LRIG3: variants seen among roughly 807,000 people sequenced by gnomAD.
LRIG3 encodes leucine rich repeats and immunoglobulin like domains 3, also known as leucine-rich repeats and immunoglobulin-like domains protein 3.
A neutral mutation model predicts 114.5 loss-of-function variants in LRIG3; 76 were observed. That is an observed-to-expected ratio of 0.66 (90% CI 0.55 to 0.80). The LOEUF (loss-of-function observed/expected upper bound fraction) is 0.80. LRIG3 is among the 30% of genes least tolerant of loss of function. The probability of loss-of-function intolerance (pLI) is 0.00; values close to 1 mark genes in which losing one functional copy is unlikely to be tolerated. For missense variants in LRIG3, 1,239 were observed against 1,382.8 expected (o/e 0.90, Z 1.65); for synonymous variants, 512 against 519.8 (o/e 0.98, Z 0.20).
At position 58,873,045 on chromosome 12, in the gene LRIG3, C is replaced by T. The variant is rs528635764; in HGVS notation, c.3116-229G>A. Among the ~76,000 whole-genome samples, 9 of 152,276 alleles carry T rather than the reference C, an allele frequency of 5.9e-5. 1 individual carries two copies. Among genetic ancestry groups the T allele is most frequent in the African/African-American group, 2.2e-4 (9 of 41,562 alleles). On this transcript the variant is annotated intron_variant, in intron 18 of 18. Transcript: ENST00000320743. ...CATATTTACATCCACTGAACAAATG[C>T]ATCTATTCTTTATCATTTCTCATGA...
At chr12:58,874,643 C>A (rs1355001175) in intron 16 of LRIG3, 70 bp from the exon 17 acceptor site, 36 of 1,579,412 alleles carry the variant, frequency 2.3e-5, no homozygotes, top group Middle Eastern at 1.7e-4. Flanking sequence ...CCAGTTTTGG[C>A]ATCTTCCATA....
chr12:58,877,760 G>T lies in LRIG3; in HGVS notation c.2176C>A (p.Pro726Thr), dbSNP rs1453343084. 8 of 1,614,160 alleles carry T rather than the reference G, an allele frequency of 5.0e-6. No individual in the cohort carries two copies. Among genetic ancestry groups the T allele is most frequent in the Non-Finnish European group, 6.8e-6 (8 of 1,180,028 alleles). ...TCATCTTTGGTCCAGTTCAGTTTAGGGGGAGGGCTTCCTCCAGCAATGCAC... is the reference window on the plus strand; with the variant it reads ...TCATCTTTGGTCCAGTTCAGTTTAGTGGGAGGGCTTCCTCCAGCAATGCAC... Reference protein sequence around the residue: ...LQCIAGGSPPPKLNWTKDDSP... With the variant: ...LQCIAGGSPPTKLNWTKDDSP... Residue 726 changes from proline (P) to threonine (T), a missense_variant, in exon 15 of 19, where the codon CCT (proline) becomes ACT (threonine). Transcript: ENST00000320743.
intron 12 of LRIG3, 148 bp downstream of exon 12, chr12:58,882,721 C>G (rs1871159923): frequency 1.3e-6 from 1 of 747,826 alleles, no homozygotes; most frequent in East Asian, 3.1e-5. Context: ...TTAAAATAAT[C>G]AGCAAACTAT....
intron 3 of LRIG3, among the ~76,000 whole-genome samples, chr12:58,898,671 T>G (rs1426521532): frequency 6.6e-6 from 1 of 152,206 alleles, no homozygotes; most frequent in East Asian, 1.9e-4. Context: ...CTTGTTTTTT[T>G]TTTCTTGAGA....
At chr12:58,883,681 T>C (rs1248813253) in intron 10 of LRIG3, 90 bp from the exon 11 acceptor site, 3 of 831,954 alleles carry the variant, frequency 3.6e-6, no homozygotes, top group South Asian at 4.7e-5. Context: ...CCCACCCCAT[T>C]TGCCAAACAA....
chr12:58,880,320 GAA>G lies in LRIG3; in HGVS notation c.1801+259_1801+260del, dbSNP rs913691757. ...GTCTCAAAAAAAAAAAAAAGAAAAA[GAA>G]AAAAAAAAGAGCAAAAACATGTCTG... On this transcript the variant is annotated intron_variant, in intron 13 of 18. Transcript: ENST00000320743. 146 of 487,836 alleles carry G rather than the reference GAA, an allele frequency of 3.0e-4. No homozygotes were observed. The South Asian group carries it at 3.1e-3, about 10-fold the overall frequency. 30.2% of individuals were successfully genotyped at this position (487,836 alleles called of 1,614,324 possible).
chr12:58,874,681 T>G, intron 16 of LRIG3, 108 bp from the exon 17 acceptor site: 1 of 1,432,628 alleles, frequency 7.0e-7, no homozygotes, highest in South Asian at 1.4e-5. Context: ...GACTAGAACA[T>G]CATATAGACA....
In LRIG3 at chr12:58,920,101, G is replaced by A. The variant is rs1872618005; in HGVS notation, c.135C>T (p.Arg45=). The change falls in exon 1 of 19, where the codon CGC becomes CGT. Residue 45 remains arginine, a synonymous_variant. Coordinates refer to ENST00000320743, the MANE Select transcript of LRIG3 (RefSeq NM_153377.5). ...LGQPSGVAAE[R]PCPTTCRCLG... is the part of the protein sequence containing the mutation. ...GGCAGCGGCAGGTAGTGGGGCATGG[G>A]CGCTCGGCGGCTACCCCAGAGGGCT... The A allele has an allele frequency of 1.9e-6, 3 of 1,552,434 alleles. No homozygotes were observed. Among genetic ancestry groups the A allele is most frequent in the Non-Finnish European group, 2.6e-6 (3 of 1,148,900 alleles).
chr12:58,898,980 G>C (rs1042384677), intron 3 of LRIG3, among the ~76,000 whole-genome samples: 1 of 152,182 alleles, frequency 6.6e-6, no homozygotes, highest in Non-Finnish European at 1.5e-5. Context: ...TGAAGACACT[G>C]CTCATGGATA....
At chr12:58,908,362 T>C (rs1872147257) in intron 3 of LRIG3, among the ~76,000 whole-genome samples, 1 of 152,198 alleles carries the variant, frequency 6.6e-6, no homozygotes. Flanking sequence ...TTTTAAATTT[T>C]TAGTTCAGGG....
intron 3 of LRIG3, among the ~76,000 whole-genome samples, chr12:58,905,433 AC>A (rs1872026192): frequency 6.6e-6 from 1 of 152,188 alleles, no homozygotes; most frequent in African/African-American, 2.4e-5. Context: ...TCATATTAAG[AC>A]GTTTATGTGT....
Position 58,914,036 on chromosome 12 carries a change from A to T in LRIG3, c.329T>A (p.Leu110Ter). The change falls in exon 3 of 19, where the codon TTG (leucine) becomes TAG (stop). Residue 110 changes from leucine to a stop codon, truncating the protein, a stop_gained. Transcript: ENST00000320743. LOFTEE classifies it high-confidence loss of function. ...TGGTCCCAGATTTGGAATGGTCTCC[A>T]ATTCATTGTTGTTCAGTTTCCTACA... ...LREVKLNNNE[L>*]ETIPNLGPVS... 1.2e-6 allele frequency: 2 copies of T among 1,611,418 alleles called. No homozygotes were observed. The highest frequency in any genetic ancestry group is 1.7e-6 in the Non-Finnish European group (2 of 1,179,516).
chr12:58,902,514 G>A lies in LRIG3; in HGVS notation c.383+11468C>T, dbSNP rs139182804. 4.7e-3 allele frequency among the ~76,000 whole-genome samples: 710 copies of A among 152,202 alleles called. 2 individuals carry two copies. Among genetic ancestry groups the A allele is most frequent in the Admixed American group, 0.013 (200 of 15,296 alleles). On this transcript the variant is annotated intron_variant, in intron 3 of 18. Transcript: ENST00000320743. ...AGAGACAGGGAGATGGCAGGCAGGT[G>A]ATTTTAAGTATTAGAAAGCAGGTGT...
chr12:58,883,313 C>T (rs1871176410), intron 11 of LRIG3, among the ~76,000 whole-genome samples: 1 of 151,964 alleles, frequency 6.6e-6, no homozygotes, highest in Non-Finnish European at 1.5e-5. Context: ...ATATTTGGTC[C>T]CACAAAGTTG....
At chr12:58,897,217 G>C (rs1045638683) in intron 3 of LRIG3, among the ~76,000 whole-genome samples, 2 of 152,206 alleles carry the variant, frequency 1.3e-5, no homozygotes, top group African/African-American at 4.8e-5. Flanking sequence ...GAGGAAACTT[G>C]TGTAAGGAGA....
chr12:58,876,895 T>G (rs1323184003), intron 15 of LRIG3, among the ~76,000 whole-genome samples: 2 of 152,252 alleles, frequency 1.3e-5, no homozygotes, highest in African/African-American at 2.4e-5. Flanking sequence ...CCTAAGAATT[T>G]TCATGGGACA....
In LRIG3 at chr12:58,876,504, T is replaced by C. The variant is rs374362911; in HGVS notation, c.2636A>G (p.His879Arg). 1.9e-6 allele frequency: 3 copies of C among 1,613,920 alleles called. No individual in the cohort carries two copies. The highest frequency in any genetic ancestry group is 1.3e-5 in the African/African-American group (1 of 74,786). The change falls in exon 16 of 19, where the codon CAC (histidine) becomes CGC (arginine). Residue 879 changes from histidine to arginine, a missense_variant. Coordinates refer to ENST00000320743, the MANE Select transcript of LRIG3 (RefSeq NM_153377.5). ...ACCTGAAGATGTGACAAACTGGTGG[T>C]GGCTTCCACTTTCTGAAGACACGTA... ...DGYVSSESGSHHQFVTSSGAG... is the reference protein window; with the variant it reads ...DGYVSSESGSRHQFVTSSGAG...
intron 13 of LRIG3, chr12:58,880,364 C>A: frequency 1.5e-6 from 1 of 673,148 alleles, no homozygotes; most frequent in Non-Finnish European, 2.7e-6. Context: ...CTCTGTGTTA[C>A]TCACCACACT....
At chr12:58,883,758 C>A (rs1871189568) in intron 10 of LRIG3, among the ~76,000 whole-genome samples, 167 bp from the exon 11 acceptor site, 1 of 152,172 alleles carries the variant, frequency 6.6e-6, no homozygotes, top group Admixed American at 6.5e-5. Flanking sequence ...AAAGCTTGTG[C>A]TGAAGACCCA....
Sources: allele counts gnomAD v4.1 joint callset (sites outside exome capture counted in the v4.1 genomes callset), GRCh38; gene constraint gnomAD v4.1.1; transcripts MANE v1.5; gene names NCBI Gene and HGNC (gene_info 2026-07-23, HGNC 2026-07-21).